Variants in NAV2 observed in about 807,000 individuals in gnomAD.
NAV2 encodes neuron navigator 2.
In NAV2, 54 loss-of-function variants were observed where a neutral mutation model predicts 223.2. The ratio of observed to expected loss-of-function variants is 0.24; its 90% CI spans 0.19 to 0.30. The LOEUF (loss-of-function observed/expected upper bound fraction) is 0.30. Among genes scored for constraint, NAV2 ranks in the 10% least tolerant of loss-of-function variants. The pLI is 1.00. For synonymous variants in NAV2, 1,279 were observed against 1,239.3 expected, an observed-to-expected ratio of 1.03 and a Z score of -0.67; for missense variants, 2,806 against 3,147.5, an observed-to-expected ratio of 0.89 and a Z score of 2.60.
At chr11:19,543,872 C>T (rs1485164742) in intron 1 of NAV2, among the ~76,000 whole-genome samples, 1 of 152,180 alleles carries the variant, frequency 6.6e-6, no homozygotes, top group Non-Finnish European at 1.5e-5. Context: ...TCTAGAGTGG[C>T]CATGCTCTCG....
intron 1 of NAV2, among the ~76,000 whole-genome samples, chr11:19,621,242 C>G (rs1309432016): frequency 6.6e-6 from 1 of 152,134 alleles, no homozygotes; most frequent in Non-Finnish European, 1.5e-5. Context: ...TGTGTCTCTG[C>G]CAGGCTTTGG....
intron 1 of NAV2, chr11:19,401,862 A>T (rs1436757317): frequency 6.6e-6 from 1 of 152,202 alleles, no homozygotes; most frequent in Non-Finnish European, 1.5e-5. Flanking sequence ...CACACTTAAG[A>T]AACATGTCAC....
At chr11:19,836,957 T>A (rs1288519646) in intron 2 of NAV2, among the ~76,000 whole-genome samples, 1 of 152,140 alleles carries the variant, frequency 6.6e-6, no homozygotes, top group African/African-American at 2.4e-5. Context: ...ATCCTGTTCA[T>A]GAGATCTTTA....
intron 8 of NAV2, among the ~76,000 whole-genome samples, chr11:19,944,607 TTTC>T (rs1482274443): frequency 2.0e-5 from 3 of 151,106 alleles, no homozygotes; most frequent in Non-Finnish European, 4.4e-5. Context: ...CTTTCCTTTC[TTTC>T]TTCTTTCTTT....
intron 6 of NAV2, among the ~76,000 whole-genome samples, chr11:19,914,531 GT>G (rs1315353953): frequency 6.7e-6 from 1 of 149,722 alleles, no homozygotes; most frequent in African/African-American, 2.5e-5. Flanking sequence ...TAATATTGTT[GT>G]TCCTGTTCTT....
chr11:19,735,963 A>G (rs2052253730), intron 1 of NAV2, among the ~76,000 whole-genome samples: 1 of 152,174 alleles, frequency 6.6e-6, no homozygotes, highest in Non-Finnish European at 1.5e-5. Flanking sequence ...TATGGGGGCA[A>G]CATCAGCCTG....
At chr11:19,381,398 A>G (rs151214441) in intron 1 of NAV2, among the ~76,000 whole-genome samples, 174 of 152,378 alleles carry the variant, frequency 1.1e-3, no homozygotes, top group Non-Finnish European at 1.6e-3. Context: ...ATTGAAGTGA[A>G]TGAGTGAATG....
chr11:19,980,536 G>A (rs2050205134), intron 10 of NAV2, among the ~76,000 whole-genome samples: 1 of 152,230 alleles, frequency 6.6e-6, no homozygotes, highest in Non-Finnish European at 1.5e-5. Flanking sequence ...AGTGGAGGAT[G>A]AGGCCATCAG....
intron 11 of NAV2, among the ~76,000 whole-genome samples, chr11:20,008,777 T>C (rs2053310087): frequency 6.6e-6 from 1 of 152,072 alleles, no homozygotes; most frequent in East Asian, 1.9e-4. Context: ...AGATAAACCG[T>C]TTGCACAGAG....
intron 1 of NAV2, among the ~76,000 whole-genome samples, chr11:19,445,145 T>TA (rs1851537661): frequency 1.3e-5 from 2 of 152,146 alleles, no homozygotes; most frequent in Admixed American, 1.3e-4. Context: ...TGCAGAAGAT[T>TA]GAGAACATGG....
rs112431268 is a variant in NAV2 at position 19,558,233 on chromosome 11, G to A, written c.75+207206G>A. ...AAACAAACCAAGCCGAAACAACTACGTATTTGCTCACGATTCTGCAATTAG... is the reference window on the plus strand; with the variant it reads ...AAACAAACCAAGCCGAAACAACTACATATTTGCTCACGATTCTGCAATTAG... On this transcript the variant is annotated intron_variant, in intron 1 of 37. Transcript: ENST00000360655. Among the ~76,000 whole-genome samples the A allele has an allele frequency of 5.4e-3, 826 of 152,246 alleles. 4 individuals carry two copies. Among genetic ancestry groups the A allele is most frequent in the African/African-American group, 0.019 (773 of 41,538 alleles).
At chr11:19,830,759 T>G (rs2059885182) in intron 1 of NAV2, among the ~76,000 whole-genome samples, 1 of 152,230 alleles carries the variant, frequency 6.6e-6, no homozygotes, top group South Asian at 2.1e-4. Context: ...AATGTTTATT[T>G]TCCTTCCTCT....
intron 1 of NAV2, chr11:19,505,525 A>G (rs1017761557): frequency 6.6e-6 from 1 of 152,262 alleles, no homozygotes; most frequent in Admixed American, 6.5e-5. Context: ...CTAATGAACA[A>G]TTAACCATGC....
At chr11:19,587,567 C>G (rs981024465) in intron 1 of NAV2, among the ~76,000 whole-genome samples, 4 of 152,194 alleles carry the variant, frequency 2.6e-5, no homozygotes, top group African/African-American at 9.6e-5. Context: ...TTTATCAGGG[C>G]TTTTTGGTCC....
chr11:19,626,519 G>A (rs1005420786), intron 1 of NAV2, among the ~76,000 whole-genome samples: 9 of 152,150 alleles, frequency 5.9e-5, no homozygotes, highest in African/African-American at 9.7e-5. Context: ...GGGGTCTTTT[G>A]TGGTTCCACA....
intron 1 of NAV2, among the ~76,000 whole-genome samples, chr11:19,569,971 C>T (rs2045376711): frequency 6.6e-6 from 1 of 152,234 alleles, no homozygotes; most frequent in Non-Finnish European, 1.5e-5. Flanking sequence ...GTGGCTGTCT[C>T]ACCTGAGCCT....
intron 1 of NAV2, among the ~76,000 whole-genome samples, chr11:19,445,641 G>A (rs762342603): frequency 6.6e-6 from 1 of 152,152 alleles, no homozygotes; most frequent in Non-Finnish European, 1.5e-5. Context: ...ATGTCAAGAT[G>A]TAGCTAGGAA....
chr11:19,415,464 C>A (rs913311298), intron 1 of NAV2, among the ~76,000 whole-genome samples: 5 of 152,124 alleles, frequency 3.3e-5, no homozygotes, highest in Non-Finnish European at 7.4e-5. Context: ...AGCCTACCAA[C>A]TAAAAAAAGC....
At chr11:20,077,746 T>A in intron 23 of NAV2, 111 bp downstream of exon 23, 1 of 921,588 alleles carries the variant, frequency 1.1e-6, no homozygotes, top group Non-Finnish European at 1.7e-6. Flanking sequence ...TTTCTTGAAC[T>A]GTTAAAGTTT....
Sources: allele counts gnomAD v4.1 joint callset (sites outside exome capture counted in the v4.1 genomes callset), GRCh38; gene constraint gnomAD v4.1.1; transcripts MANE v1.5; gene names NCBI Gene and HGNC (gene_info 2026-07-23, HGNC 2026-07-21).